Variants in SP140L observed in about 807,000 individuals in gnomAD.
The protein encoded by SP140L is nuclear body protein SP140-like protein.
In SP140L, 64 loss-of-function variants were observed where a neutral mutation model predicts 84.3. That is an observed-to-expected ratio of 0.76 (90% CI 0.62 to 0.94). SP140L has a LOEUF of 0.94. SP140L is among the 40% of genes least tolerant of loss of function. The probability of loss-of-function intolerance (pLI) is 0.00; values close to 1 mark genes in which losing one functional copy is unlikely to be tolerated. For missense variants in SP140L, 628 were observed against 692.5 expected, an observed-to-expected ratio of 0.91 and a Z score of 1.05; for synonymous variants, 242 against 236.9, an observed-to-expected ratio of 1.02 and a Z score of -0.20.
In SP140L at chr2:230,392,203, G is replaced by A. The variant is rs776765954; in HGVS notation, c.1081G>A (p.Gly361Arg). The part of the protein sequence containing the change: ...KNWRLSVRCG[G>R]WPLRRLMEEG... The stretch of plus-strand genomic sequence containing the variant: ...CTGGAGGCTGAGTGTGCGCTGTGGC[G>A]GGTGGCCCCTACGACGGCTGATGGA... The change falls in exon 12 of 19, where the codon GGG becomes AGG. Residue 361 changes from glycine to arginine, a missense_variant. Around this residue, in one of 4 missense-constraint regions of SP140L, gnomAD observed 525 missense variants for 518.4 expected, o/e 1.01. Coordinates refer to ENST00000415673, the MANE Select transcript of SP140L (RefSeq NM_138402.6). 68 of 1,613,924 alleles carry A rather than the reference G, an allele frequency of 4.2e-5. No homozygotes were observed. The highest frequency in any genetic ancestry group is 5.5e-5 in the Non-Finnish European group (65 of 1,179,938).
rs556143941 is a variant in SP140L at position 230,368,065 on chromosome 2, G to A, written c.524-2843G>A. On this transcript the variant is annotated intron_variant, in intron 5 of 18. Coordinates refer to ENST00000415673, the MANE Select transcript of SP140L (RefSeq NM_138402.6). ...TTTTGACTGTGGACTTATTTTAACCGTGAATTTTGTATTTTCTTGTGTTTT... is the reference window on the plus strand; with the variant it reads ...TTTTGACTGTGGACTTATTTTAACCATGAATTTTGTATTTTCTTGTGTTTT... Among the ~76,000 whole-genome samples, 81 of 152,238 alleles carry A rather than the reference G, an allele frequency of 5.3e-4. No homozygotes were observed. In the South Asian group the frequency reaches 8.5e-3, roughly 16 times the overall value.
At chr2:230,395,671 C>T (rs1302476085) in intron 13 of SP140L, among the ~76,000 whole-genome samples, 1 of 152,196 alleles carries the variant, frequency 6.6e-6, no homozygotes, top group African/African-American at 2.4e-5. Context: ...GTCAGAGACG[C>T]ACTCAGTGAC....
chr2:230,353,111 T>C (rs183470703), intron 2 of SP140L, among the ~76,000 whole-genome samples: 46 of 152,180 alleles, frequency 3.0e-4, no homozygotes, highest in Non-Finnish European at 6.2e-4. Flanking sequence ...TACAGAGAGA[T>C]TTTATAATGT....
At chr2:230,333,033 GA>G (rs200283434) in intron 2 of SP140L, among the ~76,000 whole-genome samples, 88 of 152,070 alleles carry the variant, frequency 5.8e-4, no homozygotes, top group African/African-American at 2.0e-3. Context: ...TTCATATCTG[GA>G]AAAAAAATTA....
intron 2 of SP140L, among the ~76,000 whole-genome samples, chr2:230,343,507 A>G (rs116414846): frequency 0.021 from 3,099 of 147,528 alleles, 342 homozygotes; most frequent in East Asian, 0.14. Context: ...GGTGGATTAC[A>G]TGTTTTTGCT....
chr2:230,393,138 T>C (rs2061895526), intron 12 of SP140L, among the ~76,000 whole-genome samples: 1 of 151,964 alleles, frequency 6.6e-6, no homozygotes, highest in South Asian at 2.1e-4. Flanking sequence ...GGAAAAGAAG[T>C]GATAGATGGT....
At chr2:230,398,402 A>G (rs2062152014) in intron 14 of SP140L, among the ~76,000 whole-genome samples, 1 of 152,192 alleles carries the variant, frequency 6.6e-6, no homozygotes, top group African/African-American at 2.4e-5. Context: ...AGTTTGGAGA[A>G]AAAAAAGGGC....
chr2:230,399,997 C>T, intron 14 of SP140L, 130 bp from the exon 15 acceptor site: 1 of 872,190 alleles, frequency 1.1e-6, no homozygotes, highest in African/African-American at 1.7e-5. Flanking sequence ...ATTTTTCCTT[C>T]ATATCCCAGG....
chr2:230,339,032 C>T (rs1297117025), intron 2 of SP140L, among the ~76,000 whole-genome samples: 1 of 138,274 alleles, frequency 7.2e-6, no homozygotes, highest in Non-Finnish European at 1.6e-5. Flanking sequence ...GGGAGGATTC[C>T]CTCTTTTTCT....
intron 2 of SP140L, among the ~76,000 whole-genome samples, chr2:230,353,155 C>T (rs991932716): frequency 6.6e-6 from 1 of 151,956 alleles, no homozygotes; most frequent in Non-Finnish European, 1.5e-5. Flanking sequence ...ATCTCATTGC[C>T]ATTACCTTTC....
chr2:230,343,118 T>C lies in SP140L; in HGVS notation c.107+14287T>C, dbSNP rs1304078736. Among the ~76,000 whole-genome samples, 5 of 117,892 alleles carry C rather than the reference T, an allele frequency of 4.2e-5. 1 individual carries two copies. In the East Asian group the frequency reaches 1.2e-3, roughly 29 times the overall value. 77.3% of individuals were successfully genotyped at this position (117,892 alleles called of 152,430 possible). On this transcript the variant is annotated intron_variant, in intron 2 of 18. Coordinates refer to ENST00000415673, the MANE Select transcript of SP140L (RefSeq NM_138402.6). ...TTCAACTTTTAAGTTCAGGGGTACA[T>C]GTGCAGGATGTGCAGGTTTGTTACA...
intron 11 of SP140L, 34 bp from the exon 12 acceptor site, chr2:230,392,053 G>A (rs1268072947): frequency 4.3e-6 from 7 of 1,612,866 alleles, no homozygotes; most frequent in South Asian, 1.1e-5. Context: ...TGGGAACAAA[G>A]AGGGCTCAGG....
intron 15 of SP140L, 91 bp from the exon 16 acceptor site, chr2:230,400,864 A>G: frequency 6.5e-7 from 1 of 1,534,972 alleles, no homozygotes; most frequent in South Asian, 1.2e-5. Context: ...TGAGCCCATC[A>G]GCCATTCCTG....
At chr2:230,345,155 T>C (rs927502384) in intron 2 of SP140L, among the ~76,000 whole-genome samples, 2 of 152,216 alleles carry the variant, frequency 1.3e-5, no homozygotes, top group African/African-American at 4.8e-5. Flanking sequence ...TTGGTTAGTA[T>C]TTGCTTTAGC....
chr2:230,394,660 G>A (rs2061969228), intron 13 of SP140L, among the ~76,000 whole-genome samples: 2 of 152,194 alleles, frequency 1.3e-5, no homozygotes, highest in African/African-American at 4.8e-5. Context: ...CTCTATTCAG[G>A]GGTGCAACAC....
intron 7 of SP140L, among the ~76,000 whole-genome samples, 158 bp from the exon 8 acceptor site, chr2:230,383,352 C>T (rs1257129589): frequency 6.6e-6 from 1 of 152,210 alleles, no homozygotes; most frequent in Non-Finnish European, 1.5e-5. Flanking sequence ...AAATAGGACT[C>T]TGTACTCAAC....
At chr2:230,354,877 G>C (rs1421138074) in intron 2 of SP140L, among the ~76,000 whole-genome samples, 1 of 115,226 alleles carries the variant, frequency 8.7e-6, no homozygotes, top group Non-Finnish European at 1.8e-5. Flanking sequence ...AAGAAAGAAA[G>C]AAAGAAAGAA....
chr2:230,370,886 T>A, intron 5 of SP140L, 22 bp from the exon 6 acceptor site: 1 of 1,611,628 alleles, frequency 6.2e-7, no homozygotes, highest in Non-Finnish European at 8.5e-7. Flanking sequence ...TGAGAAGTGT[T>A]CCTATGTCAT....
intron 2 of SP140L, among the ~76,000 whole-genome samples, chr2:230,342,874 C>G (rs1024925919): frequency 6.6e-6 from 1 of 151,976 alleles, no homozygotes; most frequent in Admixed American, 6.6e-5. Flanking sequence ...TACTGTTTTC[C>G]TATTCCGTAT....
Sources: allele counts gnomAD v4.1 joint callset (sites outside exome capture counted in the v4.1 genomes callset), GRCh38; gene constraint gnomAD v4.1.1; regional missense constraint gnomAD v4.1.1; transcripts MANE v1.5; gene names NCBI Gene and HGNC (gene_info 2026-07-23, HGNC 2026-07-21).